HTR2A: variants seen among roughly 807,000 people sequenced by gnomAD.
The protein encoded by HTR2A is 5-hydroxytryptamine receptor 2A, also known as 5-HT2 receptor.
In HTR2A, 14 loss-of-function variants were observed where a neutral mutation model predicts 31.0. That is an observed-to-expected ratio of 0.45 (90% CI 0.30 to 0.71). HTR2A has a LOEUF of 0.71. Among genes scored for constraint, HTR2A ranks in the 30% least tolerant of loss-of-function variants. The probability of loss-of-function intolerance (pLI) is 0.09; values close to 1 mark genes in which losing one functional copy is unlikely to be tolerated. For synonymous variants in HTR2A, 209 were observed against 225.2 expected (o/e 0.93, Z 0.64); for missense variants, 442 against 573.3 (o/e 0.77, Z 2.34).
chr13:46,889,421 TA>T (rs1370326428), intron 3 of HTR2A, among the ~76,000 whole-genome samples: 1 of 152,174 alleles, frequency 6.6e-6, no homozygotes, highest in Non-Finnish European at 1.5e-5. Context: ...AAGTTCTACA[TA>T]ACCTCTCAAA....
intron 3 of HTR2A, among the ~76,000 whole-genome samples, chr13:46,871,883 G>T (rs890036298): frequency 6.6e-6 from 1 of 152,206 alleles, no homozygotes; most frequent in Non-Finnish European, 1.5e-5. Flanking sequence ...GAGCTGGAAA[G>T]AATTATCAAA....
In HTR2A at chr13:46,835,002, C is replaced by T. The variant is rs769988053; in HGVS notation, c.1251G>A (p.Leu417=). ...TTTGAAGTTGGCTAGACTTGTAGGC[C>T]AAAGCCGGTATTGTGTTCACTAAAA... is the stretch of plus-strand genomic sequence containing the variant. ...QLILVNTIPA[L]AYKSSQLQMG... is the part of the protein sequence containing the mutation. Residue 417 remains leucine (L), a synonymous_variant, in exon 4 of 4, where the codon TTG becomes TTA. Transcript: ENST00000542664. The T allele has an allele frequency of 3.7e-6, 6 of 1,614,002 alleles. No individual in the cohort carries two copies. The highest frequency in any genetic ancestry group is 3.3e-4 in the Middle Eastern group (2 of 6,084).
chr13:46,834,867 G>A lies in HTR2A; in HGVS notation c.1386C>T (p.Asp462=), dbSNP rs548771552. ...CACAGCTCACCTTTTCATTCACTCC[G>A]TCGCTATTGTCTTTAGAAGCCTCTT... is the stretch of plus-strand genomic sequence containing the variant. ...HSEEASKDNS[D]GVNEKVSCV The change falls in exon 4 of 4, where the codon GAC becomes GAT. Residue 462 remains aspartate, a synonymous_variant. Coordinates refer to ENST00000542664, the MANE Select transcript of HTR2A (RefSeq NM_000621.5). 4.5e-5 allele frequency: 72 copies of A among 1,613,372 alleles called. No homozygotes were observed. The highest frequency in any genetic ancestry group is 5.5e-5 in the South Asian group (5 of 91,040).
intron 3 of HTR2A, among the ~76,000 whole-genome samples, chr13:46,841,860 T>C (rs527293624): frequency 3.3e-5 from 5 of 152,278 alleles, no homozygotes; most frequent in South Asian, 2.1e-4. Flanking sequence ...TCAGAGAAGA[T>C]TGACTTTCAT....
chr13:46,835,328 T>C lies in HTR2A; in HGVS notation c.925A>G (p.Arg309Gly). The change falls in exon 4 of 4, where the codon AGG becomes GGG. Residue 309 changes from arginine to glycine, a missense_variant. By Grantham distance (125) the Arg-to-Gly change is moderately radical. This residue lies in a region of HTR2A where 174 missense variants were observed against 195.1 expected (regional missense o/e 0.89). Transcript: ENST00000542664. ...TTGCTGATGGACTGCATAGTCCTCC[T>C]GCCTGTGTAGGACCCTGGCTCCCTA... ...IHREPGSYTG[R>G]RTMQSISNEQ... The C allele has an allele frequency of 6.2e-7, 1 of 1,614,074 alleles. No individual in the cohort carries two copies. The highest frequency in any genetic ancestry group is 8.5e-7 in the Non-Finnish European group (1 of 1,179,936).
chr13:46,838,493 A>G (rs1950575673), intron 3 of HTR2A, among the ~76,000 whole-genome samples: 1 of 152,174 alleles, frequency 6.6e-6, no homozygotes, highest in African/African-American at 2.4e-5. Flanking sequence ...TTTATATTAA[A>G]TATATCAACA....
Position 46,834,930 on chromosome 13 carries a change from A to T in HTR2A, c.1323T>A (p.Asn441Lys), listed in dbSNP as rs139754496. Residue 441 changes from asparagine (N) to lysine (K), a missense_variant, in exon 4 of 4, where the codon AAT becomes AAA. Physicochemically the swap from Asn to Lys is moderately conservative, Grantham distance 94. Coordinates refer to ENST00000542664, the MANE Select transcript of HTR2A (RefSeq NM_000621.5). Reference protein sequence around the residue: ...NSKQDAKTTDNDCSMVALGKQ... With the variant: ...NSKQDAKTTDKDCSMVALGKQ... Reference sequence around the variant, plus strand: ...TTCCTAGAGCAACCATTGAGCAGTCATTATCTGTTGTCTTGGCATCTTGCT... The same window carrying T: ...TTCCTAGAGCAACCATTGAGCAGTCTTTATCTGTTGTCTTGGCATCTTGCT... The T allele has an allele frequency of 5.0e-6, 8 of 1,613,986 alleles. No individual in the cohort carries two copies. Among genetic ancestry groups the T allele is most frequent in the Non-Finnish European group, 5.9e-6 (7 of 1,179,982 alleles).
In HTR2A at chr13:46,832,278, C is replaced by T. The variant is rs569651540; in HGVS notation, c.*2559G>A. Reference sequence around the variant, plus strand: ...AATAAACATGATACAAACATGCACACATGTGTATATACTGAGTGTTTTCAT... The same window carrying T: ...AATAAACATGATACAAACATGCACATATGTGTATATACTGAGTGTTTTCAT... On this transcript the variant is annotated 3_prime_UTR_variant, in exon 4 of 4. Transcript: ENST00000542664. 2 of 152,320 alleles carry T rather than the reference C, an allele frequency of 1.3e-5. No individual in the cohort carries two copies. The highest frequency in any genetic ancestry group is 2.9e-5 in the Non-Finnish European group (2 of 68,024). 9.4% of individuals were successfully genotyped at this position (152,320 alleles called of 1,614,324 possible).
chr13:46,875,428 T>C (rs1396055499), intron 3 of HTR2A, among the ~76,000 whole-genome samples: 1 of 152,214 alleles, frequency 6.6e-6, no homozygotes, highest in East Asian at 1.9e-4. Flanking sequence ...CAAAAAGGTT[T>C]TGTTCATCTT....
intron 2 of HTR2A, among the ~76,000 whole-genome samples, chr13:46,893,533 C>A (rs1223306274): frequency 6.6e-6 from 1 of 152,194 alleles, no homozygotes; most frequent in East Asian, 1.9e-4. Context: ...ATGCCAAACC[C>A]AGCCCAATTA....
At chr13:46,854,842 T>C (rs779137264) in intron 3 of HTR2A, among the ~76,000 whole-genome samples, 14 of 152,186 alleles carry the variant, frequency 9.2e-5, no homozygotes, top group Non-Finnish European at 1.9e-4. Context: ...TGATCCCCAG[T>C]AGCTGTGAAT....
At chr13:46,858,924 T>G (rs919843153) in intron 3 of HTR2A, among the ~76,000 whole-genome samples, 6 of 152,160 alleles carry the variant, frequency 3.9e-5, no homozygotes, top group African/African-American at 1.4e-4. Context: ...ATCTCACAAT[T>G]GACTGAAAAA....
chr13:46,877,177 T>C (rs1452767763), intron 3 of HTR2A, among the ~76,000 whole-genome samples: 1 of 152,086 alleles, frequency 6.6e-6, no homozygotes, highest in Non-Finnish European at 1.5e-5. Context: ...TCCAAAAGCA[T>C]CCAATTTAAA....
At chr13:46,852,321 T>A (rs1950691715) in intron 3 of HTR2A, 1 of 152,326 alleles carries the variant, frequency 6.6e-6, no homozygotes, top group African/African-American at 2.4e-5. Flanking sequence ...CTGGCACACA[T>A]TGCCGGGACT....
chr13:46,870,256 TAAATC>T (rs1448230892), intron 3 of HTR2A, among the ~76,000 whole-genome samples: 1 of 152,106 alleles, frequency 6.6e-6, no homozygotes, highest in Admixed American at 6.5e-5. Flanking sequence ...TAGAATAAAA[TAAATC>T]AGATCAAATG....
intron 2 of HTR2A, 59 bp from the exon 3 acceptor site, chr13:46,892,649 C>T: frequency 7.4e-7 from 1 of 1,357,074 alleles, no homozygotes; most frequent in Middle Eastern, 2.3e-4. Context: ...GCACATGTAT[C>T]CCTATCCTAT....
At chr13:46,876,402 ATATTTTTTTTTTT>A (rs1950912431) in intron 3 of HTR2A, among the ~76,000 whole-genome samples, 1 of 78,516 alleles carries the variant, frequency 1.3e-5, no homozygotes, top group Non-Finnish European at 2.4e-5. Context: ...ATATATATAT[ATATTTTTTTTTTT>A]TTTTTTTTTT....
rs550166994 is a variant in HTR2A at position 46,853,420 on chromosome 13, CT to C, written c.614-17782del. On this transcript the variant is annotated intron_variant, in intron 3 of 3. Coordinates refer to ENST00000542664, the MANE Select transcript of HTR2A (RefSeq NM_000621.5). ...AGAAGCCAGCAGGTTGCTCTCTTCC[CT>C]TGCTGTGTGCTCTCAGTGGTTGTTG... 1.9e-3 allele frequency among the ~76,000 whole-genome samples: 284 copies of C among 152,290 alleles called. 3 individuals are homozygous for C. The highest frequency in any genetic ancestry group is 6.5e-3 in the African/African-American group (268 of 41,548).
At chr13:46,896,524 A>G (rs1351766753) in intron 1 of HTR2A, 150 bp downstream of exon 1, 1 of 695,560 alleles carries the variant, frequency 1.4e-6, no homozygotes, top group Non-Finnish European at 2.3e-6. Flanking sequence ...CTTAGCTAAT[A>G]AAAGGAAAAC....
Sources: gnomAD v4.1 joint callset for allele counts (sites outside exome capture counted in the v4.1 genomes callset) on GRCh38, gnomAD v4.1.1 for gene constraint, gnomAD v4.1.1 regional missense constraint, MANE v1.5 for transcripts, NCBI Gene and HGNC (gene_info 2026-07-23, HGNC 2026-07-21) for gene names.